The following RAPGEF2 variants were observed in gnomAD, a reference collection of about 807,000 sequenced individuals.
RAPGEF2 encodes the protein Rap guanine nucleotide exchange factor 2, also known as PDZ domain containing guanine nucleotide exchange factor (GEF) 1.
A neutral mutation model predicts 186.7 loss-of-function variants in RAPGEF2; 54 were observed. That is an observed-to-expected ratio of 0.29 (90% CI 0.23 to 0.36). The LOEUF (loss-of-function observed/expected upper bound fraction) is 0.36, where lower values mean the gene tolerates loss of function less well. RAPGEF2 is among the 10% of genes least tolerant of loss of function. The pLI, the probability that RAPGEF2 is intolerant of heterozygous loss-of-function variation, is 1.00. For synonymous variants in RAPGEF2, 712 were observed against 705.9 expected, an observed-to-expected ratio of 1.01 and a Z score of -0.14; for missense variants, 1,532 against 2,045.0, an observed-to-expected ratio of 0.75 and a Z score of 4.84.
At chr4:159,106,798 A>G (rs1172414910) in intron 1 of RAPGEF2, among the ~76,000 whole-genome samples, 2 of 152,186 alleles carry the variant, frequency 1.3e-5, no homozygotes, top group Non-Finnish European at 2.9e-5. Flanking sequence ...ATTTAGGTCA[A>G]TCAATTGCCT....
chr4:159,267,743 A>G, intron 7 of RAPGEF2: 4 of 1,008,250 alleles, frequency 4.0e-6, no homozygotes, highest in Non-Finnish European at 4.7e-6. Flanking sequence ...TTCTGTGTTA[A>G]GCCTTTTTGA....
At chr4:159,135,750 C>T (rs1741650749) in intron 1 of RAPGEF2, among the ~76,000 whole-genome samples, 1 of 152,158 alleles carries the variant, frequency 6.6e-6, no homozygotes, top group Admixed American at 6.5e-5. Flanking sequence ...CAGGTGCCCA[C>T]CACTATGCCT....
Position 159,104,113 on chromosome 4 carries a change from A to G in RAPGEF2, c.-50A>G. 2.3e-6 allele frequency: 3 copies of G among 1,290,686 alleles called. No individual in the cohort carries two copies. Among genetic ancestry groups the G allele is most frequent in the Admixed American group, 2.4e-5 (1 of 41,980 alleles). 80.0% of individuals were successfully genotyped at this position (1,290,686 alleles called of 1,614,324 possible). A position where few individuals can be genotyped will look rare whatever the true frequency, so the allele number is the denominator to read the frequency against. ...GAGGCAGCAGCGGCGCTGGGCCGGG[A>G]GGAGGCCGGCCAGGGTGCGGAGCGG... On this transcript the variant is annotated 5_prime_UTR_variant, in exon 1 of 30. Transcript: ENST00000691494.
intron 1 of RAPGEF2, among the ~76,000 whole-genome samples, chr4:159,153,721 T>C (rs866782334): frequency 2.6e-5 from 4 of 152,190 alleles, no homozygotes; most frequent in Non-Finnish European, 4.4e-5. Context: ...AACATTTTCC[T>C]GAAATTGAAT....
intron 7 of RAPGEF2, among the ~76,000 whole-genome samples, chr4:159,247,781 GAGGCAGAA>G (rs1754823882): frequency 3.0e-5 from 1 of 33,266 alleles, no homozygotes; most frequent in Non-Finnish European, 6.1e-5. Flanking sequence ...TTTTTTTTTT[GAGGCAGAA>G]TTTCACTCTT....
At chr4:159,268,995 C>T (rs1431226293) in intron 7 of RAPGEF2, among the ~76,000 whole-genome samples, 1 of 152,176 alleles carries the variant, frequency 6.6e-6, no homozygotes, top group Non-Finnish European at 1.5e-5. Context: ...TTTAGACAGC[C>T]TGTATAGTAG....
chr4:159,302,760 TA>T (rs1302503178), intron 7 of RAPGEF2, among the ~76,000 whole-genome samples: 1 of 151,916 alleles, frequency 6.6e-6, no homozygotes, highest in Non-Finnish European at 1.5e-5. Flanking sequence ...AAATATTACA[TA>T]TTTTTTTATT....
chr4:159,210,203 T>G (rs1159535034), intron 3 of RAPGEF2, among the ~76,000 whole-genome samples: 1 of 152,214 alleles, frequency 6.6e-6, no homozygotes, highest in Non-Finnish European at 1.5e-5. Flanking sequence ...ATGAAGCAAG[T>G]GAAAGTATTT....
intron 8 of RAPGEF2, among the ~76,000 whole-genome samples, chr4:159,308,591 C>T (rs1763584206): frequency 6.6e-6 from 1 of 152,142 alleles, no homozygotes; most frequent in African/African-American, 2.4e-5. Context: ...TTTCAGAGGT[C>T]TCCTGTCACA....
At chr4:159,302,596 A>G (rs534946667) in intron 7 of RAPGEF2, among the ~76,000 whole-genome samples, 1 of 152,256 alleles carries the variant, frequency 6.6e-6, no homozygotes, top group African/African-American at 2.4e-5. Flanking sequence ...TATGTGTAAA[A>G]TTATAGTCAT....
intron 4 of RAPGEF2, among the ~76,000 whole-genome samples, chr4:159,236,142 A>T (rs1032852733): frequency 6.6e-6 from 1 of 152,200 alleles, no homozygotes; most frequent in African/African-American, 2.4e-5. Flanking sequence ...AATATATCTG[A>T]TGGAGAGTCT....
At chr4:159,115,476 G>T (rs1295189226) in intron 1 of RAPGEF2, among the ~76,000 whole-genome samples, 1 of 152,056 alleles carries the variant, frequency 6.6e-6, no homozygotes, top group East Asian at 1.9e-4. Flanking sequence ...ACATACAGGT[G>T]TGGACTAAAC....
intron 1 of RAPGEF2, among the ~76,000 whole-genome samples, chr4:159,151,910 G>T (rs1743582943): frequency 6.6e-6 from 1 of 152,188 alleles, no homozygotes; most frequent in Admixed American, 6.5e-5. Flanking sequence ...AGGGACAAGG[G>T]CCTTTAACCA....
chr4:159,210,141 A>G (rs1260993451), intron 3 of RAPGEF2, among the ~76,000 whole-genome samples: 1 of 152,214 alleles, frequency 6.6e-6, no homozygotes, highest in Non-Finnish European at 1.5e-5. Context: ...GGACAGGGAA[A>G]ATGATTAGAA....
In RAPGEF2 at chr4:159,155,106, C is replaced by T. The variant is rs977995116; in HGVS notation, c.70-31536C>T. Among the ~76,000 whole-genome samples, 3 of 152,026 alleles carry T rather than the reference C, an allele frequency of 2.0e-5. No individual in the cohort carries two copies. In the South Asian group the frequency reaches 6.2e-4, roughly 32 times the overall value. The stretch of plus-strand genomic sequence containing the variant: ...ATTCCAAAATATAGTGTAAATCTCC[C>T]CAGAGATTAACACAGTGAAACTGTC... On this transcript the variant is annotated intron_variant, in intron 1 of 29. Transcript: ENST00000691494.
chr4:159,175,167 G>A (rs1039097538), intron 1 of RAPGEF2, among the ~76,000 whole-genome samples: 10 of 152,178 alleles, frequency 6.6e-5, no homozygotes, highest in African/African-American at 2.4e-4. Flanking sequence ...GGGCTTTGAT[G>A]TGAATTTGAA....
chr4:159,336,759 A>T (rs1392704280), intron 17 of RAPGEF2, among the ~76,000 whole-genome samples: 1 of 152,192 alleles, frequency 6.6e-6, no homozygotes, highest in Non-Finnish European at 1.5e-5. Context: ...AAAGGGAAGA[A>T]ATGTTGCTAT....
In RAPGEF2 at chr4:159,332,539, T is replaced by C. The variant is rs2111210516; in HGVS notation, c.1977T>C (p.Ser659=). ...LPKIGDIKKA[S]RYSIPDLAVD... ...AAATTGGTGACATTAAAAAGGCCAGTCGCTACTCCATTCCAGATCTTGCTG... is the reference window on the plus strand; with the variant it reads ...AAATTGGTGACATTAAAAAGGCCAGCCGCTACTCCATTCCAGATCTTGCTG... The change falls in exon 17 of 30, where the codon AGT becomes AGC. Residue 659 remains serine (S), a synonymous_variant. Coordinates refer to ENST00000691494, the MANE Select transcript of RAPGEF2 (RefSeq NM_001394067.2). 6.2e-7 allele frequency: 1 copy of C among 1,614,112 alleles called. No individual in the cohort carries two copies. The highest frequency in any genetic ancestry group is 8.5e-7 in the Non-Finnish European group (1 of 1,180,012).
intron 1 of RAPGEF2, among the ~76,000 whole-genome samples, chr4:159,143,571 A>G (rs1351108494): frequency 1.3e-5 from 2 of 152,214 alleles, no homozygotes; most frequent in Non-Finnish European, 2.9e-5. Flanking sequence ...GATATAATGT[A>G]GTTTATTTTG....
Sources: gnomAD v4.1 joint callset for allele counts (sites outside exome capture counted in the v4.1 genomes callset) on GRCh38, gnomAD v4.1.1 for gene constraint, MANE v1.5 for transcripts, NCBI Gene and HGNC (gene_info 2026-07-23, HGNC 2026-07-21) for gene names.